RRM2: variants seen among roughly 807,000 people sequenced by gnomAD.
RRM2 encodes the protein ribonucleoside-diphosphate reductase subunit M2.
In RRM2, 6 loss-of-function variants were observed where a neutral mutation model predicts 45.9. The observed-to-expected ratio is 0.13, with a 90% CI of 0.07 to 0.26. RRM2 has a LOEUF of 0.26. Among genes scored for constraint, RRM2 ranks in the 10% least tolerant of loss-of-function variants. RRM2 has a pLI of 1.00. For synonymous variants in RRM2, 177 were observed against 173.0 expected (o/e 1.02, Z -0.18); for missense variants, 343 against 489.5 (o/e 0.70, Z 2.82).
At chr2:10,165,544 C>T (rs959781524) in intron 3 of RRM2, among the ~76,000 whole-genome samples, 2 of 152,232 alleles carry the variant, frequency 1.3e-5, no homozygotes, top group African/African-American at 2.4e-5. Flanking sequence ...AGGCTTCCGC[C>T]GCTCAGCTGG....
In RRM2 at chr2:10,127,269, G is replaced by A. The variant is rs760155592; in HGVS notation, c.798+49G>A. On this transcript the variant is annotated intron_variant, in intron 7 of 9. Coordinates refer to ENST00000304567, the MANE Select transcript of RRM2 (RefSeq NM_001034.4). This position sits in a 1 kb window ranked among gnomAD's most constrained non-coding sequence, Gnocchi z 4.1. ...GTGACCTAAACCCCAAACACAACTC[G>A]GGCATGCTCTTGTGTTCACTGACGG... The A allele has an allele frequency of 5.0e-6, 8 of 1,587,184 alleles. No individual in the cohort carries two copies. Among genetic ancestry groups the A allele is most frequent in the African/African-American group, 1.3e-5 (1 of 74,572 alleles).
chr2:10,125,957 A>T (rs1292045547), intron 5 of RRM2, among the ~76,000 whole-genome samples: 2 of 152,092 alleles, frequency 1.3e-5, no homozygotes, highest in East Asian at 3.9e-4. Flanking sequence ...AAAACAAGGG[A>T]GAGGCAGACC....
intron 3 of RRM2, among the ~76,000 whole-genome samples, chr2:10,152,879 G>A (rs1038203764): frequency 3.9e-5 from 6 of 152,286 alleles, no homozygotes; most frequent in South Asian, 2.1e-4. Context: ...ATTATGGAAA[G>A]CAGTATGGAG....
intron 3 of RRM2, among the ~76,000 whole-genome samples, chr2:10,200,437 G>GCACA (rs1664529227): frequency 2.4e-5 from 2 of 82,066 alleles, no homozygotes; most frequent in Non-Finnish European, 5.0e-5. Flanking sequence ...GACCGCGCGC[G>GCACA]CAAAATATGA....
Position 10,169,571 on chromosome 2 carries a change from C to T in RRM2, n.482+27196C>T, listed in dbSNP as rs192217867. Among the ~76,000 whole-genome samples, 72 of 152,096 alleles carry T rather than the reference C, an allele frequency of 4.7e-4. No homozygotes were observed. The highest frequency in any genetic ancestry group is 1.6e-3 in the African/African-American group (68 of 41,476). On this transcript the variant is annotated intron_variant and non_coding_transcript_variant, in intron 3 of 3. Transcript: ENST00000381786. This position sits in a 1 kb window ranked among gnomAD's most constrained non-coding sequence, Gnocchi z 5.1. ...TGAGGGTGAGCTGGGGTTGGGGAGGCGCAGGGGGGCTCCCCAGCAGAGGGA... is the reference window on the plus strand; with the variant it reads ...TGAGGGTGAGCTGGGGTTGGGGAGGTGCAGGGGGGCTCCCCAGCAGAGGGA...
chr2:10,141,987 G>A, intron 2 of RRM2: 1 of 1,569,470 alleles, frequency 6.4e-7, no homozygotes, highest in Non-Finnish European at 8.6e-7. Flanking sequence ...CTGAAGACAA[G>A]GAAAGCAGGG....
intron 3 of RRM2, among the ~76,000 whole-genome samples, chr2:10,173,871 T>TGGGTGGCC (rs1410552835): frequency 6.6e-6 from 1 of 152,160 alleles, no homozygotes; most frequent in Non-Finnish European, 1.5e-5. Flanking sequence ...CCTGGGTGGC[T>TGGGTGGCC]GGGTGGCCGA....
chr2:10,152,048 A>G (rs1280511685), intron 3 of RRM2, among the ~76,000 whole-genome samples: 4 of 151,636 alleles, frequency 2.6e-5, no homozygotes, highest in African/African-American at 7.3e-5. Flanking sequence ...TCCCAGGTTC[A>G]TGCTATTCTC....
At chr2:10,177,663 T>TTTCCTTCCTTCCTTCCTTCCTTCC (rs138844800) in intron 3 of RRM2, among the ~76,000 whole-genome samples, 136 of 141,244 alleles carry the variant, frequency 9.6e-4, no homozygotes, top group Admixed American at 2.5e-3. Flanking sequence ...CTTCTTTCCT[T>TTTCCTTCCTTCCTTCCTTCCTTCC]TTCCTTCCTT....
Position 10,199,793 on chromosome 2 carries a change from A to AAAACAAC in RRM2, n.483-10515_483-10514insCAACAAA, listed in dbSNP as rs1664504654. Among the ~76,000 whole-genome samples the AAAACAAC allele has an allele frequency of 1.5e-5, 2 of 137,010 alleles. 1 individual carries two copies. The highest frequency in any genetic ancestry group is 4.1e-4 in the East Asian group (2 of 4,866). 89.9% of individuals were successfully genotyped at this position (137,010 alleles called of 152,430 possible). ...AGACTCAGTCTCAAAAAAAAAAAAA[A>AAAACAAC]AAAAAAAAAAAAAAAACAAATCATG... is the stretch of plus-strand genomic sequence containing the variant. On this transcript the variant is annotated intron_variant and non_coding_transcript_variant, in intron 3 of 3. Transcript: ENST00000381786.
At chr2:10,164,378 A>G (rs1361344351) in intron 3 of RRM2, among the ~76,000 whole-genome samples, 1 of 152,176 alleles carries the variant, frequency 6.6e-6, no homozygotes, top group Non-Finnish European at 1.5e-5. Context: ...ACGGCTTAAT[A>G]CACTTGGAAG....
At chr2:10,198,427 G>T (rs1332773213) in intron 3 of RRM2, among the ~76,000 whole-genome samples, 1 of 151,148 alleles carries the variant, frequency 6.6e-6, no homozygotes, top group Non-Finnish European at 1.5e-5. Flanking sequence ...TTTTTAGACA[G>T]GGTCTCGTGC....
intron 3 of RRM2, among the ~76,000 whole-genome samples, chr2:10,163,338 TG>T (rs1194295694): frequency 3.8e-5 from 1 of 26,370 alleles, no homozygotes; most frequent in Non-Finnish European, 7.5e-5. Flanking sequence ...GGCGGGGGGG[TG>T]GGGGGGCATC....
intron 3 of RRM2, among the ~76,000 whole-genome samples, chr2:10,201,165 A>G (rs563358923): frequency 0.015 from 2,318 of 151,838 alleles, 34 homozygotes; most frequent in Non-Finnish European, 0.024. Context: ...AAAAAAAAGA[A>G]AGAAAGAAAG....
intron 5 of RRM2, 79 bp downstream of exon 5, chr2:10,124,929 G>A (rs1207005378): frequency 6.7e-6 from 9 of 1,345,022 alleles, no homozygotes; most frequent in Non-Finnish European, 9.3e-6. Context: ...TTCACCTAGG[G>A]ATAAAAATGA....
In RRM2 at chr2:10,127,045, T is replaced by C; in HGVS notation, c.665-42T>C. The C allele has an allele frequency of 6.2e-7, 1 of 1,611,858 alleles. No individual in the cohort carries two copies. The highest frequency in any genetic ancestry group is 1.7e-4 in the Middle Eastern group (1 of 6,052). The stretch of plus-strand genomic sequence containing the variant: ...TGTTACTGGATTTTTGGCCCTTGAA[T>C]ACCAACTCACTAGAATCATGTTGGT... On this transcript the variant is annotated intron_variant, in intron 6 of 9. Transcript: ENST00000304567. The surrounding 1 kb of genome is among the most constrained non-coding windows in gnomAD (Gnocchi z 4.1).
intron 1 of RRM2, chr2:10,141,677 GA>G: frequency 2.4e-6 from 2 of 839,518 alleles, no homozygotes; most frequent in Non-Finnish European, 3.6e-6. Context: ...AGGCAGGAAG[GA>G]GGGCAAGAGA....
chr2:10,124,251 G>A (rs116696933), intron 4 of RRM2: 2,992 of 247,196 alleles, frequency 0.012, 85 homozygotes, highest in African/African-American at 0.065. Context: ...GATTACAGAC[G>A]TGCGCCACCA....
chr2:10,158,314 TC>T (rs1311212342), intron 3 of RRM2, among the ~76,000 whole-genome samples: 1 of 152,140 alleles, frequency 6.6e-6, no homozygotes, highest in Non-Finnish European at 1.5e-5. Context: ...CTCGCGAACT[TC>T]CTGCGCATCA....
Sources: gnomAD v4.1 joint callset for allele counts (sites outside exome capture counted in the v4.1 genomes callset) on GRCh38, gnomAD v4.1.1 for gene constraint, Gnocchi (gnomAD v3.1) non-coding constraint, MANE v1.5 for transcripts, NCBI Gene and HGNC (gene_info 2026-07-23, HGNC 2026-07-21) for gene names.